The following SC5D variants were observed in gnomAD, a reference collection of about 807,000 sequenced individuals.
SC5D encodes lathosterol oxidase.
Under a neutral mutation model 23.9 loss-of-function variants are expected in SC5D, and 21 were observed. The observed-to-expected ratio is 0.88, with a 90% confidence interval of 0.62 to 1.26. SC5D has a LOEUF of 1.26. Among genes scored for constraint, SC5D ranks in the 50% most tolerant of loss-of-function variants. The pLI is 0.00. For missense variants in SC5D, 309 were observed against 364.8 expected (o/e 0.85, Z 1.25); for synonymous variants, 113 against 125.9 (o/e 0.90, Z 0.68).
intron 1 of SC5D, among the ~76,000 whole-genome samples, chr11:121,298,549 T>A (rs1446635983): frequency 6.6e-6 from 1 of 152,240 alleles, no homozygotes; most frequent in Non-Finnish European, 1.5e-5. Flanking sequence ...AATGAGGTGA[T>A]GATACCTAAT....
chr11:121,300,958 A>C (rs1445099788), intron 1 of SC5D, among the ~76,000 whole-genome samples: 1 of 152,268 alleles, frequency 6.6e-6, no homozygotes, highest in Non-Finnish European at 1.5e-5. Flanking sequence ...TCAGAGAATT[A>C]CTTAACGCAC....
At chr11:121,305,189 G>A (rs1004023725) in intron 3 of SC5D, 1 of 149,212 alleles carries the variant, frequency 6.7e-6, no homozygotes, top group Non-Finnish European at 1.5e-5. Flanking sequence ...ACATTTCTAG[G>A]ATCTAGTATG....
chr11:121,296,381 C>T (rs958854828), intron 1 of SC5D, among the ~76,000 whole-genome samples: 2 of 152,210 alleles, frequency 1.3e-5, no homozygotes, highest in African/African-American at 4.8e-5. Context: ...ACCCCATCAC[C>T]CTGTCTAACA....
At position 121,312,965 on chromosome 11, in the gene SC5D, T is replaced by C. The variant is rs1223872231; in HGVS notation, c.*5453T>C. 6.6e-6 allele frequency among the ~76,000 whole-genome samples: 1 copy of C among 152,182 alleles called. No individual in the cohort carries two copies. The highest frequency in any genetic ancestry group is 2.4e-5 in the African/African-American group (1 of 41,450). Reference sequence around the variant, plus strand: ...TTCTTTCTGATCAACTTAATGAAATTATAATTTACTATAATTAAGTGTAGC... The same window carrying C: ...TTCTTTCTGATCAACTTAATGAAATCATAATTTACTATAATTAAGTGTAGC... On this transcript the variant is annotated 3_prime_UTR_variant, in exon 5 of 5. Coordinates refer to ENST00000264027, the MANE Select transcript of SC5D (RefSeq NM_006918.5).
Position 121,299,943 on chromosome 11 carries a change from A to AT in SC5D, c.-10-3420dup, listed in dbSNP as rs1735831554. ...AAGAACCAAAACCCCCAAATATTTG[A>AT]TTTATTTAATGACAGGGAGAAGTTT... On this transcript the variant is annotated intron_variant, in intron 1 of 4. Transcript: ENST00000264027. Among the ~76,000 whole-genome samples the AT allele has an allele frequency of 8.5e-5, 13 of 152,334 alleles. No individual in the cohort carries two copies. In the South Asian group the frequency reaches 2.7e-3, roughly 32 times the overall value.
rs1254647928 is a variant in SC5D at position 121,309,556 on chromosome 11, T to G, written c.*2044T>G. 1.3e-5 allele frequency among the ~76,000 whole-genome samples: 2 copies of G among 152,202 alleles called. No individual in the cohort carries two copies. Among genetic ancestry groups the G allele is most frequent in the Non-Finnish European group, 2.9e-5 (2 of 68,026 alleles). On this transcript the variant is annotated 3_prime_UTR_variant, in exon 5 of 5. Transcript: ENST00000264027. ...CCACACACTAATCATCTCAGTGTCT[T>G]TAATTCTTAACTCCAATATGAATGT...
intron 1 of SC5D, among the ~76,000 whole-genome samples, chr11:121,296,757 T>C (rs905693966): frequency 6.6e-6 from 1 of 152,226 alleles, no homozygotes; most frequent in Non-Finnish European, 1.5e-5. Context: ...AACAATGGCA[T>C]GTATGATGAG....
rs750306836 is a variant in SC5D at position 121,307,556 on chromosome 11, T to A, written c.*44T>A. 7.7e-7 allele frequency: 1 copy of A among 1,294,530 alleles called. No individual in the cohort carries two copies. The highest frequency in any genetic ancestry group is 2.2e-5 in the Admixed American group (1 of 46,260). 80.2% of individuals were successfully genotyped at this position (1,294,530 alleles called of 1,614,324 possible). A position where few individuals can be genotyped will look rare whatever the true frequency, so the allele number is the denominator to read the frequency against. On this transcript the variant is annotated 3_prime_UTR_variant, in exon 5 of 5. Coordinates refer to ENST00000264027, the MANE Select transcript of SC5D (RefSeq NM_006918.5). Reference sequence around the variant, plus strand: ...TTAAGTAAGGACAAAGAAGGAAATATCATCGTATTTCTTTTTTTTAATAAG... The same window carrying A: ...TTAAGTAAGGACAAAGAAGGAAATAACATCGTATTTCTTTTTTTTAATAAG...
intron 2 of SC5D, chr11:121,303,945 A>G: frequency 3.8e-6 from 1 of 264,000 alleles, no homozygotes; most frequent in Non-Finnish European, 7.3e-6. Flanking sequence ...TTTTGGCTAG[A>G]TAGGGGATTC....
At chr11:121,296,305 C>T (rs1947888961) in intron 1 of SC5D, among the ~76,000 whole-genome samples, 1 of 152,214 alleles carries the variant, frequency 6.6e-6, no homozygotes, top group Non-Finnish European at 1.5e-5. Flanking sequence ...CAGCAGATCC[C>T]TCCATGCGTA....
Position 121,307,597 on chromosome 11 carries a change from A to C in SC5D, c.*85A>C, listed in dbSNP as rs141523614. 1.8e-4 allele frequency: 157 copies of C among 864,524 alleles called. No homozygotes were observed. In the African/African-American group the frequency reaches 2.4e-3, roughly 13 times the overall value. 53.6% of individuals were successfully genotyped at this position (864,524 alleles called of 1,614,324 possible). On this transcript the variant is annotated 3_prime_UTR_variant, in exon 5 of 5. Transcript: ENST00000264027. Reference sequence around the variant, plus strand: ...TTTTAATAAGGAAAAAATAATATCCATACAGTCAAGATACATAGTAAATGG... The same window carrying C: ...TTTTAATAAGGAAAAAATAATATCCCTACAGTCAAGATACATAGTAAATGG...
chr11:121,294,261 C>T (rs1947873882), intron 1 of SC5D, among the ~76,000 whole-genome samples: 1 of 152,090 alleles, frequency 6.6e-6, no homozygotes, highest in Non-Finnish European at 1.5e-5. Flanking sequence ...GGGCTTATAA[C>T]CCCTTAAAAT....
chr11:121,300,673 T>G (rs767471793), intron 1 of SC5D, among the ~76,000 whole-genome samples: 57 of 152,200 alleles, frequency 3.7e-4, no homozygotes, highest in Non-Finnish European at 7.5e-4. Context: ...CCTGAGAATC[T>G]AGAATGATTC....
rs886047858 is a variant in SC5D at position 121,309,330 on chromosome 11, A to G, written c.*1818A>G. Among the ~76,000 whole-genome samples, 1 of 152,164 alleles carries G rather than the reference A, an allele frequency of 6.6e-6. No homozygotes were observed. Among genetic ancestry groups the G allele is most frequent in the African/African-American group, 2.4e-5 (1 of 41,436 alleles). On this transcript the variant is annotated 3_prime_UTR_variant, in exon 5 of 5. Transcript: ENST00000264027. The stretch of plus-strand genomic sequence containing the variant: ...TCTGGGTCAGGCCTGGAAGTGGTGC[A>G]TATCTCTTCCGCCCATGTTCCTTTG...
intron 2 of SC5D, 154 bp from the exon 3 acceptor site, chr11:121,304,207 C>T: frequency 1.6e-6 from 1 of 640,434 alleles, no homozygotes; most frequent in South Asian, 1.9e-5. Flanking sequence ...TCTTACATAC[C>T]TATTTTTATG....
At position 121,307,129 on chromosome 11, in the gene SC5D, G is replaced by T; in HGVS notation, c.517G>T (p.Gly173Cys). Reference sequence around the variant, plus strand: ...AAGTCATGCTTTTCACCCTATTGATGGCTTTCTTCAGAGTCTACCTTACCA... The same window carrying T: ...AAGTCATGCTTTTCACCCTATTGATTGCTTTCTTCAGAGTCTACCTTACCA... ...FASHAFHPID[G>C]FLQSLPYHIY... The change falls in exon 5 of 5, where the codon GGC becomes TGC. Residue 173 changes from glycine (G) to cysteine (C), a missense_variant. Gly to Cys is a radical substitution (Grantham distance 159). Coordinates refer to ENST00000264027, the MANE Select transcript of SC5D (RefSeq NM_006918.5). The T allele has an allele frequency of 6.2e-7, 1 of 1,614,074 alleles. No homozygotes were observed. Among genetic ancestry groups the T allele is most frequent in the Non-Finnish European group, 8.5e-7 (1 of 1,180,008 alleles).
At position 121,307,142 on chromosome 11, in the gene SC5D, G is replaced by A. The variant is rs1182798978; in HGVS notation, c.530G>A (p.Ser177Asn). Residue 177 changes from serine to asparagine, a missense_variant, in exon 5 of 5, where the codon AGT (serine) becomes AAT (asparagine). By Grantham distance (46) the Ser-to-Asn change is conservative. Transcript: ENST00000264027. ...CACCCTATTGATGGCTTTCTTCAGA[G>A]TCTACCTTACCATATATACCCTTTT... ...AFHPIDGFLQ[S>N]LPYHIYPFIF... 1 of 1,614,062 alleles carries A rather than the reference G, an allele frequency of 6.2e-7. No individual in the cohort carries two copies. Among genetic ancestry groups the A allele is most frequent in the Non-Finnish European group, 8.5e-7 (1 of 1,179,966 alleles).
chr11:121,296,766 A>G (rs992702819), intron 1 of SC5D, among the ~76,000 whole-genome samples: 2 of 152,198 alleles, frequency 1.3e-5, no homozygotes, highest in Non-Finnish European at 2.9e-5. Context: ...ATGTATGATG[A>G]GGAATATATG....
intron 1 of SC5D, among the ~76,000 whole-genome samples, chr11:121,303,097 C>T (rs561116240): frequency 5.3e-5 from 8 of 152,250 alleles, no homozygotes; most frequent in African/African-American, 1.9e-4. Flanking sequence ...TGGGCTTGTG[C>T]CACTTAGCAG....
Sources: gnomAD v4.1 joint callset for allele counts (sites outside exome capture counted in the v4.1 genomes callset) on GRCh38, gnomAD v4.1.1 for gene constraint, MANE v1.5 for transcripts, NCBI Gene and HGNC (gene_info 2026-07-23, HGNC 2026-07-21) for gene names.